Variants in RHOJ observed in about 807,000 individuals in gnomAD.
The protein encoded by RHOJ is rho-related GTP-binding protein RhoJ.
Under a neutral mutation model 23.4 loss-of-function variants are expected in RHOJ, and 11 were observed. That is an observed-to-expected ratio of 0.47 (90% CI 0.30 to 0.78). The LOEUF (loss-of-function observed/expected upper bound fraction) is 0.78, where lower values mean the gene tolerates loss of function less well. RHOJ is among the 30% of genes least tolerant of loss of function. The probability of loss-of-function intolerance (pLI) is 0.08; values close to 1 mark genes in which losing one functional copy is unlikely to be tolerated. For missense variants in RHOJ, 254 were observed against 273.4 expected, an observed-to-expected ratio of 0.93 and a Z score of 0.50; for synonymous variants, 102 against 102.7, an observed-to-expected ratio of 0.99 and a Z score of 0.04.
At chr14:63,250,728 C>G (rs1019677678) in intron 1 of RHOJ, among the ~76,000 whole-genome samples, 1 of 152,130 alleles carries the variant, frequency 6.6e-6, no homozygotes, top group Non-Finnish European at 1.5e-5. Context: ...GTCCCTGACC[C>G]CTAATCTAAA....
intron 3 of RHOJ, among the ~76,000 whole-genome samples, chr14:63,282,897 T>A (rs888115359): frequency 2.6e-5 from 4 of 152,042 alleles, no homozygotes; most frequent in Admixed American, 2.6e-4. Flanking sequence ...GCTTGCAGGG[T>A]AACTGTTTGA....
intron 1 of RHOJ, among the ~76,000 whole-genome samples, chr14:63,214,174 T>C (rs1172757759): frequency 2.0e-5 from 3 of 152,212 alleles, no homozygotes; most frequent in Non-Finnish European, 4.4e-5. Flanking sequence ...GCTTACTTGT[T>C]AAAAATGCAG....
At chr14:63,216,095 C>T (rs1406928089) in intron 1 of RHOJ, among the ~76,000 whole-genome samples, 3 of 152,140 alleles carry the variant, frequency 2.0e-5, no homozygotes, top group Non-Finnish European at 4.4e-5. Flanking sequence ...TTATTTAAAA[C>T]TTGTAAAAAA....
intron 2 of RHOJ, among the ~76,000 whole-genome samples, chr14:63,277,118 T>C (rs1881742751): frequency 6.6e-6 from 1 of 152,188 alleles, no homozygotes; most frequent in Non-Finnish European, 1.5e-5. Context: ...TGGTCACAAT[T>C]GAGAGCCAGA....
chr14:63,280,897 T>C, intron 2 of RHOJ, 74 bp from the exon 3 acceptor site: 1 of 1,440,264 alleles, frequency 6.9e-7, no homozygotes, highest in East Asian at 2.4e-5. Context: ...GACTCTTACC[T>C]GAAATCTGAC....
chr14:63,262,041 G>A (rs748206816), intron 1 of RHOJ, among the ~76,000 whole-genome samples: 5 of 152,170 alleles, frequency 3.3e-5, no homozygotes, highest in Admixed American at 6.5e-5. Flanking sequence ...AGCTGGTTAT[G>A]TGCTAGCAAC....
chr14:63,291,293 A>G lies in RHOJ; in HGVS notation c.*269A>G. 1 of 465,106 alleles carries G rather than the reference A, an allele frequency of 2.2e-6. No homozygotes were observed. Among genetic ancestry groups the G allele is most frequent in the Non-Finnish European group, 4.0e-6 (1 of 252,926 alleles). 28.8% of individuals were successfully genotyped at this position (465,106 alleles called of 1,614,324 possible). A position where few individuals can be genotyped will look rare whatever the true frequency, so the allele number is the denominator to read the frequency against. ...AGTGCCGCTGCTGATCGCATCAAAA[A>G]CAAAGTCAAAGGCCATCTCACATTT... On this transcript the variant is annotated 3_prime_UTR_variant, in exon 5 of 5. Transcript: ENST00000316754.
chr14:63,277,504 C>T (rs1305027856), intron 2 of RHOJ, among the ~76,000 whole-genome samples: 1 of 152,122 alleles, frequency 6.6e-6, no homozygotes, highest in Non-Finnish European at 1.5e-5. Context: ...AGTTGATTAG[C>T]AGAGCTTCAG....
chr14:63,232,772 C>T lies in RHOJ; in HGVS notation c.178+27725C>T, dbSNP rs368523511. 1.7e-4 allele frequency among the ~76,000 whole-genome samples: 25 copies of T among 147,974 alleles called. No homozygotes were observed. The South Asian group carries it at 5.4e-3, about 32-fold the overall frequency. On this transcript the variant is annotated intron_variant, in intron 1 of 4. Transcript: ENST00000316754. The stretch of plus-strand genomic sequence containing the variant: ...GATGCAGTGGCGCGATCTCAGCTCA[C>T]TGCAACCTCCATCTCCCAGGCTCAA...
At chr14:63,213,691 T>C (rs1044786527) in intron 1 of RHOJ, among the ~76,000 whole-genome samples, 1 of 152,182 alleles carries the variant, frequency 6.6e-6, no homozygotes, top group Non-Finnish European at 1.5e-5. Flanking sequence ...CTTTTGGTCA[T>C]ATAAGAGACC....
intron 3 of RHOJ, among the ~76,000 whole-genome samples, chr14:63,282,799 T>C (rs989819176): frequency 1.3e-5 from 2 of 152,134 alleles, no homozygotes; most frequent in African/African-American, 2.4e-5. Flanking sequence ...TTGGTTATCT[T>C]GCATGCCCTG....
intron 1 of RHOJ, among the ~76,000 whole-genome samples, chr14:63,236,967 C>A (rs1488356660): frequency 6.6e-6 from 1 of 152,134 alleles, no homozygotes; most frequent in African/African-American, 2.4e-5. Context: ...AGTGTAAATT[C>A]TATGCAAATA....
chr14:63,254,513 G>A (rs751397803), intron 1 of RHOJ, among the ~76,000 whole-genome samples: 48 of 152,236 alleles, frequency 3.2e-4, no homozygotes, highest in Admixed American at 7.9e-4. Flanking sequence ...TGCAAGGCAC[G>A]GTGCTGGGCC....
chr14:63,260,855 T>TTA (rs1555347633), intron 1 of RHOJ, among the ~76,000 whole-genome samples: 3 of 151,864 alleles, frequency 2.0e-5, no homozygotes, highest in African/African-American at 7.3e-5. Flanking sequence ...TTTTTTTTTT[T>TTA]ACCATAATTA....
At position 63,241,852 on chromosome 14, in the gene RHOJ, A is replaced by G. The variant is rs77675414; in HGVS notation, c.179-27258A>G. On this transcript the variant is annotated intron_variant, in intron 1 of 4. Transcript: ENST00000316754. ...TAAGGACACTATTTTTCAAAGCTAC[A>G]TTACCCTCAAGTGAATTAAAAGTTC... Among the ~76,000 whole-genome samples, 608 of 152,358 alleles carry G rather than the reference A, an allele frequency of 4.0e-3. 14 individuals are homozygous for G. In the East Asian group the frequency reaches 0.055, roughly 14 times the overall value.
In RHOJ at chr14:63,221,046, G is replaced by A. The variant is rs1013311818; in HGVS notation, c.178+15999G>A. Among the ~76,000 whole-genome samples, 11 of 152,184 alleles carry A rather than the reference G, an allele frequency of 7.2e-5. No individual in the cohort carries two copies. The East Asian group carries it at 1.4e-3, about 19-fold the overall frequency. On this transcript the variant is annotated intron_variant, in intron 1 of 4. Coordinates refer to ENST00000316754, the MANE Select transcript of RHOJ (RefSeq NM_020663.5). ...GAGACGCCCTCTAAAACAGCTGCTC[G>A]GGCTGGGCACAGTGGCTCACACCTG...
chr14:63,216,808 C>G (rs1196628966), intron 1 of RHOJ, among the ~76,000 whole-genome samples: 2 of 152,318 alleles, frequency 1.3e-5, no homozygotes, highest in African/African-American at 2.4e-5. Flanking sequence ...AGATCCTACT[C>G]TATTCATTTC....
chr14:63,259,997 G>T (rs10483767), intron 1 of RHOJ, among the ~76,000 whole-genome samples: 38,534 of 151,980 alleles, frequency 0.25, 7,176 homozygotes, highest in African/African-American at 0.53. Context: ...CAGCTTAATG[G>T]TCTCCAAATT....
chr14:63,256,184 C>T (rs1422673842), intron 1 of RHOJ, among the ~76,000 whole-genome samples: 1 of 152,188 alleles, frequency 6.6e-6, no homozygotes, highest in Non-Finnish European at 1.5e-5. Flanking sequence ...GCTACCATGC[C>T]TGGCCACGTG....
Sources: gnomAD v4.1 joint callset for allele counts (sites outside exome capture counted in the v4.1 genomes callset) on GRCh38, gnomAD v4.1.1 for gene constraint, MANE v1.5 for transcripts, NCBI Gene and HGNC (gene_info 2026-07-23, HGNC 2026-07-21) for gene names.